Variants in CHRNA7 observed in about 807,000 individuals in gnomAD.
CHRNA7 encodes neuronal acetylcholine receptor subunit alpha-7.
Under a neutral mutation model 48.0 loss-of-function variants are expected in CHRNA7, and 17 were observed. That is an observed-to-expected ratio of 0.35 (90% CI 0.24 to 0.53). The LOEUF (loss-of-function observed/expected upper bound fraction) is 0.53, where lower values mean the gene tolerates loss of function less well. Ranked by LOEUF, CHRNA7 falls within the 20% of genes least tolerant of loss-of-function variation. The pLI, the probability that CHRNA7 is intolerant of heterozygous loss-of-function variation, is 0.92. For missense variants in CHRNA7, 155 were observed against 577.7 expected (o/e 0.27, Z 7.50); for synonymous variants, 75 against 242.3 (o/e 0.31, Z 6.41).
intron 2 of CHRNA7, among the ~76,000 whole-genome samples, chr15:32,037,751 C>T (rs937671402): frequency 1.3e-5 from 2 of 151,800 alleles, no homozygotes; most frequent in African/African-American, 4.8e-5. Flanking sequence ...TACATGTTAA[C>T]CTTGTCTTCT....
chr15:32,122,493 T>A lies in CHRNA7; in HGVS notation c.350+10594T>A, dbSNP rs376733714. ...TTGTGGTCTTTTTTTAATATAAATT[T>A]TACATCCTTAGCTAATCACATTTTT... On this transcript the variant is annotated intron_variant, in intron 4 of 9. Transcript: ENST00000306901. Among the ~76,000 whole-genome samples, 73 of 152,362 alleles carry A rather than the reference T, an allele frequency of 4.8e-4. No homozygotes were observed. In the South Asian group the frequency reaches 0.014, roughly 30 times the overall value.
chr15:32,100,534 T>C (rs1331567895), intron 2 of CHRNA7: 1 of 154,380 alleles, frequency 6.5e-6, no homozygotes, highest in African/African-American at 2.4e-5. Context: ...AAGTCACAGC[T>C]GGTACACTAG....
intron 4 of CHRNA7, among the ~76,000 whole-genome samples, chr15:32,136,518 G>A (rs961835654): frequency 4.6e-5 from 7 of 150,816 alleles, no homozygotes; most frequent in Admixed American, 4.6e-4. Flanking sequence ...AAAAAAAGAT[G>A]GAATTAAAAT....
intron 4 of CHRNA7, among the ~76,000 whole-genome samples, chr15:32,132,892 A>ATCT (rs1308187190): frequency 6.6e-6 from 1 of 152,190 alleles, no homozygotes; most frequent in East Asian, 1.9e-4. Flanking sequence ...TAGACTTTAT[A>ATCT]TTTATTCAGA....
At chr15:32,121,338 TC>T (rs2050966455) in intron 4 of CHRNA7, among the ~76,000 whole-genome samples, 2 of 152,156 alleles carry the variant, frequency 1.3e-5, no homozygotes, top group South Asian at 4.1e-4. Flanking sequence ...CAGTAGCAAA[TC>T]AGTTTACCGT....
intron 4 of CHRNA7, among the ~76,000 whole-genome samples, chr15:32,128,208 G>A (rs558089966): frequency 1.3e-5 from 2 of 151,980 alleles, no homozygotes; most frequent in African/African-American, 4.8e-5. Flanking sequence ...GTATAGTAAC[G>A]CTTAACATTG....
rs182468515 is a variant in CHRNA7, at chr15:32,045,208, G to C, written c.195+14171G>C. Among the ~76,000 whole-genome samples the C allele has an allele frequency of 1.7e-4, 26 of 152,178 alleles. No individual in the cohort carries two copies. The East Asian group carries it at 4.8e-3, about 28-fold the overall frequency. On this transcript the variant is annotated intron_variant, in intron 2 of 9. Coordinates refer to ENST00000306901, the MANE Select transcript of CHRNA7 (RefSeq NM_000746.6). Reference sequence around the variant, plus strand: ...CATTCTTAAGACACTTTGTGCCTCTGTTTTTATTAGTGATGGCTCTTTTTG... The same window carrying C: ...CATTCTTAAGACACTTTGTGCCTCTCTTTTTATTAGTGATGGCTCTTTTTG...
chr15:32,061,422 C>T (rs1334082429), intron 2 of CHRNA7, among the ~76,000 whole-genome samples: 3 of 152,124 alleles, frequency 2.0e-5, no homozygotes, highest in Admixed American at 2.0e-4. Flanking sequence ...TTTTGCACTC[C>T]CACAATACCG....
At chr15:32,099,662 C>A (rs1327199708) in intron 2 of CHRNA7, 1 of 152,186 alleles carries the variant, frequency 6.6e-6, no homozygotes, top group African/African-American at 2.4e-5. Context: ...CCATTAAAAA[C>A]AACAACTCCT....
At chr15:32,051,691 G>A (rs959818242) in intron 2 of CHRNA7, among the ~76,000 whole-genome samples, 1 of 152,218 alleles carries the variant, frequency 6.6e-6, no homozygotes, top group Non-Finnish European at 1.5e-5. Context: ...TCCCTAGTGA[G>A]ATGAACCTGG....
At chr15:32,131,351 G>A (rs867276075) in intron 4 of CHRNA7, among the ~76,000 whole-genome samples, 1 of 151,816 alleles carries the variant, frequency 6.6e-6, no homozygotes, top group African/African-American at 2.4e-5. Flanking sequence ...CCTGCAGGCT[G>A]TGTCGATTTT....
intron 4 of CHRNA7, among the ~76,000 whole-genome samples, chr15:32,148,446 T>C (rs1479235920): frequency 6.6e-6 from 1 of 152,196 alleles, no homozygotes; most frequent in Admixed American, 6.5e-5. Context: ...AGGTCAATGC[T>C]ACAGAGCTGA....
At chr15:32,096,103 C>T (rs1489628807) in intron 2 of CHRNA7, among the ~76,000 whole-genome samples, 1 of 152,152 alleles carries the variant, frequency 6.6e-6, no homozygotes, top group Non-Finnish European at 1.5e-5. Context: ...TGGGGGGTCT[C>T]CCATAATCTC....
chr15:32,053,866 G>T (rs2049737678), intron 2 of CHRNA7, among the ~76,000 whole-genome samples: 1 of 152,244 alleles, frequency 6.6e-6, no homozygotes, highest in African/African-American at 2.4e-5. Context: ...CAGCTCGTAG[G>T]TGTAGGAGCT....
intron 2 of CHRNA7, among the ~76,000 whole-genome samples, chr15:32,039,811 G>A (rs1595373665): frequency 6.6e-6 from 1 of 152,016 alleles, no homozygotes; most frequent in African/African-American, 2.4e-5. Context: ...CTGGTTTTCT[G>A]CTTGCTGGTT....
intron 4 of CHRNA7, among the ~76,000 whole-genome samples, chr15:32,138,738 G>GTT (rs1555386947): frequency 3.3e-5 from 5 of 150,240 alleles, no homozygotes; most frequent in East Asian, 3.9e-4. Context: ...GTTATGTTTT[G>GTT]TTTTGTTTTG....
chr15:32,111,519 C>T (rs985193553), intron 3 of CHRNA7: 5 of 329,728 alleles, frequency 1.5e-5, no homozygotes, highest in African/African-American at 6.4e-5. Flanking sequence ...GGAGAAGGCT[C>T]GGGGACATGC....
chr15:32,036,933 T>G (rs1266069953), intron 2 of CHRNA7, among the ~76,000 whole-genome samples: 1 of 152,200 alleles, frequency 6.6e-6, no homozygotes, highest in Non-Finnish European at 1.5e-5. Flanking sequence ...TTTTTAACTT[T>G]AGTGAAACCC....
intron 4 of CHRNA7, among the ~76,000 whole-genome samples, chr15:32,134,401 C>T (rs7181885): frequency 0.054 from 8,253 of 152,146 alleles, 768 homozygotes; most frequent in African/African-American, 0.19. Flanking sequence ...TCAGGTGATC[C>T]GCCCTCCTCG....
Sources: allele counts gnomAD v4.1 joint callset (sites outside exome capture counted in the v4.1 genomes callset), GRCh38; gene constraint gnomAD v4.1.1; transcripts MANE v1.5; gene names NCBI Gene and HGNC (gene_info 2026-07-23, HGNC 2026-07-21).